The following GALNT14 variants were observed in gnomAD, a reference collection of about 807,000 sequenced individuals.
The protein encoded by GALNT14 is polypeptide N-acetylgalactosaminyltransferase 14, also known as UDP-GalNAc:polypeptide N-acetylgalactosaminyltransferase 14.
A neutral mutation model predicts 77.5 loss-of-function variants in GALNT14; 60 were observed. That is an observed-to-expected ratio of 0.77 (90% confidence interval 0.63 to 0.96). The LOEUF (loss-of-function observed/expected upper bound fraction) is 0.96. GALNT14 is among the 40% of genes least tolerant of loss of function. The probability of loss-of-function intolerance (pLI) is 0.00; values close to 1 mark genes in which losing one functional copy is unlikely to be tolerated. For missense variants in GALNT14, 710 were observed against 731.0 expected (o/e 0.97, Z 0.33); for synonymous variants, 280 against 281.7 (o/e 0.99, Z 0.06).
chr2:30,928,305 T>C, intron 11 of GALNT14, among the ~76,000 whole-genome samples: 1 of 152,202 alleles, frequency 6.6e-6, no homozygotes, highest in Admixed American at 6.5e-5. Context: ...GTGATGTTAG[T>C]ATGACAAAAA....
chr2:30,954,616 T>C (rs1380456785), intron 6 of GALNT14, among the ~76,000 whole-genome samples: 1 of 152,204 alleles, frequency 6.6e-6, no homozygotes, highest in Non-Finnish European at 1.5e-5. Flanking sequence ...ATGAACAATG[T>C]TGGGAAGGAT....
intron 1 of GALNT14, among the ~76,000 whole-genome samples, chr2:31,092,484 T>C (rs1041518701): frequency 6.6e-6 from 1 of 152,104 alleles, no homozygotes; most frequent in Non-Finnish European, 1.5e-5. Context: ...CAGAGGGATA[T>C]AGACAAAACA....
chr2:30,897,761 C>G, the GALNT14 span, among the ~76,000 whole-genome samples: 1 of 152,222 alleles, frequency 6.6e-6, no homozygotes, highest in African/African-American at 2.4e-5. Context: ...CTGGGACTGC[C>G]TAAGAACTGC....
intron 1 of GALNT14, among the ~76,000 whole-genome samples, chr2:31,032,949 G>A (rs1207821370): frequency 6.6e-6 from 1 of 152,132 alleles, no homozygotes; most frequent in East Asian, 1.9e-4. Context: ...TCCCAGAGCA[G>A]CCCTGAGTTG....
At chr2:31,051,580 G>A (rs1429310781) in intron 1 of GALNT14, among the ~76,000 whole-genome samples, 1 of 152,178 alleles carries the variant, frequency 6.6e-6, no homozygotes, top group Non-Finnish European at 1.5e-5. Context: ...AGAGTTGCCA[G>A]TCCCCACAAT....
chr2:31,074,819 C>T (rs563067062), intron 1 of GALNT14, among the ~76,000 whole-genome samples: 1 of 152,266 alleles, frequency 6.6e-6, no homozygotes, highest in East Asian at 1.9e-4. Context: ...GGTAGAGACA[C>T]TGACTCTCTT....
At position 30,924,437 on chromosome 2, in the gene GALNT14, C is replaced by T. The variant is rs1302291378; in HGVS notation, c.1236-174G>A. The T allele has an allele frequency of 4.4e-6, 3 of 682,080 alleles. No homozygotes were observed. In the East Asian group the frequency reaches 8.1e-5, roughly 18 times the overall value. The allele number at this position is 682,080 out of a possible 1,614,324, so 42.3% of individuals were successfully genotyped here. A position where few individuals can be genotyped will look rare whatever the true frequency, so the allele number is the denominator to read the frequency against. On this transcript the variant is annotated intron_variant, in intron 12 of 14. Transcript: ENST00000349752. ...TAAGAATGAGGTGGCAAGGAAAGAC[C>T]CAGGAGCTACAGAGGGAGATGAGTA...
At chr2:31,062,575 C>T (rs1261877287) in intron 1 of GALNT14, among the ~76,000 whole-genome samples, 1 of 151,990 alleles carries the variant, frequency 6.6e-6, no homozygotes, top group Non-Finnish European at 1.5e-5. Flanking sequence ...GGGTATATAC[C>T]CAGTAAAGGG....
chr2:30,972,450 T>G (rs1442475983), intron 2 of GALNT14, among the ~76,000 whole-genome samples: 2 of 152,222 alleles, frequency 1.3e-5, no homozygotes, highest in African/African-American at 2.4e-5. Flanking sequence ...GTTAAACTAC[T>G]GCTCATTGAA....
At chr2:31,010,953 CAGAAAAG>C (rs1173366110) in intron 1 of GALNT14, among the ~76,000 whole-genome samples, 2 of 152,206 alleles carry the variant, frequency 1.3e-5, no homozygotes, top group African/African-American at 4.8e-5. Flanking sequence ...CCTGGCTTTT[CAGAAAAG>C]AGAAGACCAG....
At chr2:30,970,766 A>G (rs1668300105) in intron 2 of GALNT14, among the ~76,000 whole-genome samples, 1 of 152,092 alleles carries the variant, frequency 6.6e-6, no homozygotes, top group South Asian at 2.1e-4. Flanking sequence ...GAGGGCAGGT[A>G]GTGGGGTGCC....
intron 11 of GALNT14, among the ~76,000 whole-genome samples, chr2:30,925,242 C>T (rs1329778873): frequency 1.3e-5 from 2 of 152,200 alleles, no homozygotes; most frequent in Non-Finnish European, 2.9e-5. Context: ...CTCAAAAAAT[C>T]CTTTTATTTG....
intron 2 of GALNT14, among the ~76,000 whole-genome samples, chr2:30,982,324 A>G (rs1011200970): frequency 1.3e-5 from 2 of 152,242 alleles, no homozygotes; most frequent in African/African-American, 4.8e-5. Context: ...GGTACACCCT[A>G]CAGAAACACA....
At chr2:30,998,799 A>G (rs1381278976) in intron 1 of GALNT14, among the ~76,000 whole-genome samples, 1 of 152,196 alleles carries the variant, frequency 6.6e-6, no homozygotes, top group Non-Finnish European at 1.5e-5. Context: ...GTTCTTTGCC[A>G]TTAGGCAGCA....
the GALNT14 span, among the ~76,000 whole-genome samples, chr2:30,892,111 C>A: frequency 6.6e-6 from 1 of 152,196 alleles, no homozygotes; most frequent in Non-Finnish European, 1.5e-5. Flanking sequence ...CTAATCAGGA[C>A]ACAGCATTTG....
chr2:30,913,157 G>A (rs1341704624), intron 13 of GALNT14, among the ~76,000 whole-genome samples: 1 of 142,170 alleles, frequency 7.0e-6, no homozygotes, highest in East Asian at 2.1e-4. Flanking sequence ...GCACTTCCCA[G>A]TTCTTAAGTC....
chr2:30,888,083 G>C, the GALNT14 span, among the ~76,000 whole-genome samples: 167 of 152,216 alleles, frequency 1.1e-3, 6 homozygotes, highest in East Asian at 0.026. Flanking sequence ...TGCTTGCCTG[G>C]ACTGCTACTT....
At chr2:30,978,758 G>A (rs1573079574) in intron 2 of GALNT14, among the ~76,000 whole-genome samples, 3 of 152,332 alleles carry the variant, frequency 2.0e-5, no homozygotes, top group Middle Eastern at 3.4e-3. Flanking sequence ...GACAGTGTGA[G>A]TGCCAGGCAC....
At chr2:31,028,288 T>C (rs1001533932) in intron 1 of GALNT14, among the ~76,000 whole-genome samples, 10 of 152,130 alleles carry the variant, frequency 6.6e-5, no homozygotes, top group African/African-American at 2.4e-4. Flanking sequence ...GAGGTGATGA[T>C]GAGCCTCTCT....
Sources: gnomAD v4.1 joint callset for allele counts (sites outside exome capture counted in the v4.1 genomes callset) on GRCh38, gnomAD v4.1.1 for gene constraint, MANE v1.5 for transcripts, NCBI Gene and HGNC (gene_info 2026-07-23, HGNC 2026-07-21) for gene names.